The following KCNQ5 variants were observed in gnomAD, a reference collection of about 807,000 sequenced individuals.
KCNQ5 encodes potassium voltage-gated channel subfamily Q member 5.
KCNQ5 carries 30 observed loss-of-function variants against 98.2 expected under a neutral mutation model. That is an observed-to-expected ratio of 0.31 (90% confidence interval 0.23 to 0.41). KCNQ5 has a LOEUF of 0.41. KCNQ5 is among the 10% of genes least tolerant of loss of function. KCNQ5 has a pLI of 1.00. For synonymous variants in KCNQ5, 458 were observed against 449.4 expected (o/e 1.02, Z -0.24); for missense variants, 835 against 1,182.5 (o/e 0.71, Z 4.31).
intron 1 of KCNQ5, among the ~76,000 whole-genome samples, chr6:72,995,482 A>T (rs1769252114): frequency 6.6e-6 from 1 of 152,184 alleles, no homozygotes; most frequent in African/African-American, 2.4e-5. Context: ...TGATAGGTTA[A>T]CCAGATTGCT....
At chr6:72,770,896 C>T (rs767139197) in intron 1 of KCNQ5, among the ~76,000 whole-genome samples, 1 of 152,036 alleles carries the variant, frequency 6.6e-6, no homozygotes, top group Non-Finnish European at 1.5e-5. Flanking sequence ...TTTATTCATC[C>T]ACAAATTTTA....
intron 2 of KCNQ5, among the ~76,000 whole-genome samples, chr6:73,012,984 A>C (rs764516373): frequency 6.6e-6 from 1 of 152,064 alleles, no homozygotes; most frequent in Non-Finnish European, 1.5e-5. Context: ...AGCAAATATG[A>C]TCATCATGGG....
chr6:72,681,936 C>T (rs1194291867), intron 1 of KCNQ5, among the ~76,000 whole-genome samples: 1 of 152,184 alleles, frequency 6.6e-6, no homozygotes, highest in African/African-American at 2.4e-5. Context: ...ATGAGTTCTT[C>T]CCTGAGGGGG....
chr6:72,804,687 G>C (rs542665495), intron 1 of KCNQ5, among the ~76,000 whole-genome samples: 51 of 152,190 alleles, frequency 3.4e-4, no homozygotes, highest in African/African-American at 1.1e-3. Flanking sequence ...ACCAGCAATG[G>C]GTTGCTGAAT....
At position 72,878,209 on chromosome 6, in the gene KCNQ5, G is replaced by T. The variant is rs535555166; in HGVS notation, c.399-125699G>T. Among the ~76,000 whole-genome samples the T allele has an allele frequency of 2.0e-5, 3 of 152,328 alleles. No homozygotes were observed. In the East Asian group the frequency reaches 5.8e-4, roughly 29 times the overall value. ...CGCCTGAACCTGGGAGGCAGAGGTT[G>T]CAGTGAGCCGAGATTGCGCCACTGC... On this transcript the variant is annotated intron_variant, in intron 1 of 13. Coordinates refer to ENST00000370398, the MANE Select transcript of KCNQ5 (RefSeq NM_019842.4).
intron 3 of KCNQ5, 48 bp downstream of exon 3, chr6:73,042,110 G>C: frequency 6.2e-7 from 1 of 1,605,102 alleles, no homozygotes; most frequent in Non-Finnish European, 8.5e-7. Context: ...CAACATTCTT[G>C]TCTTCTATCT....
intron 2 of KCNQ5, among the ~76,000 whole-genome samples, chr6:73,029,826 G>T (rs1444715042): frequency 1.3e-5 from 2 of 150,308 alleles, no homozygotes; most frequent in African/African-American, 2.4e-5. Flanking sequence ...CAGGAGAATG[G>T]CGTGAACCTG....
chr6:72,843,336 G>C (rs2150135400), intron 1 of KCNQ5, among the ~76,000 whole-genome samples: 1 of 152,188 alleles, frequency 6.6e-6, no homozygotes, highest in Middle Eastern at 3.4e-3. Flanking sequence ...TGTTCTGTTG[G>C]TCTATATATC....
At chr6:73,173,957 T>C in intron 11 of KCNQ5, among the ~76,000 whole-genome samples, 1 of 152,174 alleles carries the variant, frequency 6.6e-6, no homozygotes, top group Non-Finnish European at 1.5e-5. Flanking sequence ...ATGCAACGTA[T>C]AAGTACTGTG....
chr6:72,798,664 C>T (rs1165953601), intron 1 of KCNQ5, among the ~76,000 whole-genome samples: 1 of 152,124 alleles, frequency 6.6e-6, no homozygotes, highest in African/African-American at 2.4e-5. Flanking sequence ...GCTGTTATTT[C>T]CATTTCAAGC....
intron 2 of KCNQ5, among the ~76,000 whole-genome samples, chr6:73,021,287 G>A (rs958179647): frequency 1.3e-5 from 2 of 152,140 alleles, no homozygotes; most frequent in African/African-American, 4.8e-5. Flanking sequence ...AACTATATAA[G>A]AATAGGAACT....
chr6:72,925,361 C>T (rs1315904028), intron 1 of KCNQ5, among the ~76,000 whole-genome samples: 1 of 152,194 alleles, frequency 6.6e-6, no homozygotes, highest in African/African-American at 2.4e-5. Context: ...AGCTGCCAGG[C>T]ATCTGAATCA....
rs549820177 is a variant in KCNQ5, at chr6:72,711,073, T to C, written c.398+88486T>C. Among the ~76,000 whole-genome samples, 15 of 152,230 alleles carry C rather than the reference T, an allele frequency of 9.9e-5. No homozygotes were observed. In the East Asian group the frequency reaches 2.9e-3, roughly 29 times the overall value. On this transcript the variant is annotated intron_variant, in intron 1 of 13. Coordinates refer to ENST00000370398, the MANE Select transcript of KCNQ5 (RefSeq NM_019842.4). ...CAAATATGTGGAAATTAATTCCCCA[T>C]GTGACTGTGTTTGGAAATAGGGACT...
chr6:72,920,399 T>C (rs1780340388), intron 1 of KCNQ5, among the ~76,000 whole-genome samples: 1 of 152,164 alleles, frequency 6.6e-6, no homozygotes, highest in African/African-American at 2.4e-5. Flanking sequence ...AAAAGAATGG[T>C]TTGATCCCTT....
At chr6:72,680,973 C>T (rs1767675357) in intron 1 of KCNQ5, among the ~76,000 whole-genome samples, 1 of 152,164 alleles carries the variant, frequency 6.6e-6, no homozygotes, top group Admixed American at 6.5e-5. Context: ...ACTGCAATTA[C>T]TTACTGCAAA....
intron 1 of KCNQ5, among the ~76,000 whole-genome samples, chr6:72,968,097 A>G (rs566556547): frequency 1.3e-5 from 2 of 152,296 alleles, no homozygotes; most frequent in South Asian, 4.1e-4. Flanking sequence ...TCATTTATAT[A>G]AAATGTGAAT....
At chr6:73,005,519 C>G (rs541015656) in intron 2 of KCNQ5, among the ~76,000 whole-genome samples, 1 of 152,302 alleles carries the variant, frequency 6.6e-6, no homozygotes, top group South Asian at 2.1e-4. Flanking sequence ...AGATTTATAT[C>G]CTCCAAACCT....
At chr6:72,650,078 A>G (rs1565057050) in intron 1 of KCNQ5, among the ~76,000 whole-genome samples, 1 of 152,118 alleles carries the variant, frequency 6.6e-6, no homozygotes, top group Non-Finnish European at 1.5e-5. Context: ...AATTATGTTT[A>G]TATAGTTATT....
chr6:73,107,183 C>T (rs1471336677), intron 6 of KCNQ5, among the ~76,000 whole-genome samples: 1 of 152,284 alleles, frequency 6.6e-6, no homozygotes, highest in African/African-American at 2.4e-5. Context: ...TGTAGAGCAA[C>T]CTCTATGATT....
Sources: allele counts gnomAD v4.1 joint callset (sites outside exome capture counted in the v4.1 genomes callset), GRCh38; gene constraint gnomAD v4.1.1; transcripts MANE v1.5; gene names NCBI Gene and HGNC (gene_info 2026-07-23, HGNC 2026-07-21).